PAPOLG: variants seen among roughly 807,000 people sequenced by gnomAD.
PAPOLG encodes the protein poly(A) polymerase gamma.
A neutral mutation model predicts 99.0 loss-of-function variants in PAPOLG; 40 were observed. The observed-to-expected ratio is 0.40, with a 90% CI of 0.31 to 0.53. The LOEUF (loss-of-function observed/expected upper bound fraction) is 0.53. PAPOLG is among the 20% of genes least tolerant of loss of function. The pLI, the probability that PAPOLG is intolerant of heterozygous loss-of-function variation, is 0.41. For synonymous variants in PAPOLG, 310 were observed against 299.3 expected (o/e 1.04, Z -0.37); for missense variants, 675 against 884.1 (o/e 0.76, Z 3.00).
intron 13 of PAPOLG, 105 bp downstream of exon 13, chr2:60,783,314 T>A (rs945943295): frequency 6.7e-5 from 35 of 519,284 alleles, no homozygotes; most frequent in Non-Finnish European, 9.8e-5. Flanking sequence ...TTTTCAAAAT[T>A]ATTATATCTC....
chr2:60,771,391 C>CT, intron 6 of PAPOLG, 128 bp from the exon 7 acceptor site: 1 of 1,118,166 alleles, frequency 8.9e-7, no homozygotes, highest in Non-Finnish European at 1.2e-6. Context: ...CTACATAGGC[C>CT]TATCGAAGCT....
chr2:60,784,914 G>T (rs1305435426), intron 13 of PAPOLG, among the ~76,000 whole-genome samples: 4 of 152,140 alleles, frequency 2.6e-5, no homozygotes, highest in Non-Finnish European at 4.4e-5. Flanking sequence ...ACAGATTTTT[G>T]TAGATTTACT....
At chr2:60,763,704 A>G (rs549827725) in intron 3 of PAPOLG, among the ~76,000 whole-genome samples, 60 of 151,118 alleles carry the variant, frequency 4.0e-4, no homozygotes, top group East Asian at 3.2e-3. Context: ...GGGTTTCACC[A>G]TAATGGTCAG....
At chr2:60,765,278 A>G (rs1573221622) in intron 3 of PAPOLG, among the ~76,000 whole-genome samples, 1 of 126,630 alleles carries the variant, frequency 7.9e-6, no homozygotes, top group African/African-American at 3.0e-5. Context: ...GGGTCTTGCC[A>G]TGTTGCCCAG....
At chr2:60,782,460 G>A (rs1430127716) in intron 11 of PAPOLG, among the ~76,000 whole-genome samples, 1 of 151,710 alleles carries the variant, frequency 6.6e-6, no homozygotes, top group Non-Finnish European at 1.5e-5. Context: ...AGGAGCCTGG[G>A]GCAGGAGAAT....
chr2:60,776,053 A>G (rs1334852950), intron 8 of PAPOLG, among the ~76,000 whole-genome samples: 1 of 152,092 alleles, frequency 6.6e-6, no homozygotes, highest in Non-Finnish European at 1.5e-5. Context: ...GTGAGCCATC[A>G]AGCCCGGCTC....
intron 21 of PAPOLG, chr2:60,795,320 T>A (rs986998812): frequency 5.7e-6 from 3 of 525,364 alleles, no homozygotes; most frequent in African/African-American, 5.7e-5. Flanking sequence ...CATTAATTTC[T>A]TACCAAGCAC....
Position 60,794,728 on chromosome 2 carries a change from A to G in PAPOLG, c.2008A>G (p.Thr670Ala), listed in dbSNP as rs905353356. 1 of 1,611,606 alleles carries G rather than the reference A, an allele frequency of 6.2e-7. No homozygotes were observed. Among genetic ancestry groups the G allele is most frequent in the Admixed American group, 1.7e-5 (1 of 59,988 alleles). ...ATTTTAGTTTATTCGACTTGAATCAACATTTAAGGACCCCCGCACTGCTGA... is the reference window on the plus strand; with the variant it reads ...ATTTTAGTTTATTCGACTTGAATCAGCATTTAAGGACCCCCGCACTGCTGA... The part of the protein sequence containing the change: ...DVEKFIRLES[T>A]FKDPRTAEER... Residue 670 changes from threonine (T) to alanine (A), a missense_variant, in exon 20 of 22, where the codon ACA becomes GCA. Thr to Ala is a moderately conservative substitution (Grantham distance 58). Coordinates refer to ENST00000238714, the MANE Select transcript of PAPOLG (RefSeq NM_022894.4).
chr2:60,777,601 C>A (rs1671062255), intron 8 of PAPOLG, among the ~76,000 whole-genome samples: 1 of 152,206 alleles, frequency 6.6e-6, no homozygotes, highest in Non-Finnish European at 1.5e-5. Context: ...GCACAAGGGG[C>A]ATAGCTTTCG....
intron 8 of PAPOLG, among the ~76,000 whole-genome samples, chr2:60,776,666 G>A (rs1171241010): frequency 1.3e-5 from 2 of 152,082 alleles, no homozygotes; most frequent in African/African-American, 2.4e-5. Context: ...GACCTCAGGT[G>A]ATCTGCCTGC....
chr2:60,768,728 C>A, intron 4 of PAPOLG, 53 bp from the exon 5 acceptor site: 2 of 1,431,746 alleles, frequency 1.4e-6, no homozygotes, highest in Non-Finnish European at 9.4e-7. Flanking sequence ...TGTACTTTAA[C>A]AAAGAATATA....
rs1394081348 is a variant in PAPOLG, at chr2:60,779,439, CTG to C, written c.695-195_695-194del. 9.5e-6 allele frequency: 5 copies of C among 525,972 alleles called. No individual in the cohort carries two copies. In the East Asian group the frequency reaches 1.2e-4, roughly 12 times the overall value. 32.6% of individuals were successfully genotyped at this position (525,972 alleles called of 1,614,324 possible). Reference sequence around the variant, plus strand: ...AGCAATTTATGGTTTACTAATTAGACTGTGGGCCTAATGTGAAGGTCTGCTTA... The same window carrying C: ...AGCAATTTATGGTTTACTAATTAGACTGGGCCTAATGTGAAGGTCTGCTTA... On this transcript the variant is annotated intron_variant, in intron 8 of 21. Coordinates refer to ENST00000238714, the MANE Select transcript of PAPOLG (RefSeq NM_022894.4).
At chr2:60,760,373 T>C in intron 2 of PAPOLG, 78 bp downstream of exon 2, 1 of 1,350,330 alleles carries the variant, frequency 7.4e-7, no homozygotes, top group Non-Finnish European at 1.0e-6. Flanking sequence ...GAATACCTAC[T>C]GTGTCTCTAG....
chr2:60,763,059 G>A lies in PAPOLG; in HGVS notation c.246+1252G>A, dbSNP rs1021588928. Among the ~76,000 whole-genome samples the A allele has an allele frequency of 4.0e-5, 6 of 150,394 alleles. No homozygotes were observed. In the East Asian group the frequency reaches 7.8e-4, roughly 20 times the overall value. ...TGGGATTACAGGCTTGAGCCACCAC[G>A]CCCAACCATAAATTTTATTTTATTT... On this transcript the variant is annotated intron_variant, in intron 3 of 21. Transcript: ENST00000238714.
intron 13 of PAPOLG, 28 bp downstream of exon 13, chr2:60,783,237 C>T (rs1217390849): frequency 2.8e-6 from 4 of 1,435,846 alleles, no homozygotes; most frequent in African/African-American, 2.9e-5. Context: ...AGTTTTCTAC[C>T]TACTGTGTGG....
chr2:60,785,624 CGA>C (rs1671338361), intron 13 of PAPOLG, among the ~76,000 whole-genome samples: 1 of 151,390 alleles, frequency 6.6e-6, no homozygotes, highest in African/African-American at 2.4e-5. Context: ...TGGGATCAAG[CGA>C]TGCCTCCTGC....
chr2:60,780,639 A>T, intron 9 of PAPOLG, 68 bp from the exon 10 acceptor site: 2 of 1,473,248 alleles, frequency 1.4e-6, no homozygotes, highest in Non-Finnish European at 9.5e-7. Context: ...ACAATCTAAT[A>T]ATTATAAAGT....
Position 60,791,801 on chromosome 2 carries a change from A to C in PAPOLG, c.1437A>C (p.Gly479=). 1 of 1,613,588 alleles carries C rather than the reference A, an allele frequency of 6.2e-7. No individual in the cohort carries two copies. The highest frequency in any genetic ancestry group is 8.5e-7 in the Non-Finnish European group (1 of 1,179,818). ...QANNINMLKE[G]MKIEATHVKK... is the part of the protein sequence containing the mutation. ...ACAATATAAATATGCTAAAGGAGGG[A>C]ATGAAAATTGAAGCAACTCATGTAA... Residue 479 remains glycine (G), a synonymous_variant, in exon 16 of 22, where the codon GGA becomes GGC. Coordinates refer to ENST00000238714, the MANE Select transcript of PAPOLG (RefSeq NM_022894.4).
At chr2:60,785,593 C>G (rs1671337208) in intron 13 of PAPOLG, among the ~76,000 whole-genome samples, 1 of 151,724 alleles carries the variant, frequency 6.6e-6, no homozygotes, top group Non-Finnish European at 1.5e-5. Context: ...GTGGGGTGAT[C>G]ATACTGCAAC....
Sources: allele counts gnomAD v4.1 joint callset (sites outside exome capture counted in the v4.1 genomes callset), GRCh38; gene constraint gnomAD v4.1.1; transcripts MANE v1.5; gene names NCBI Gene and HGNC (gene_info 2026-07-23, HGNC 2026-07-21).